The following CEP128 variants were observed in gnomAD, a reference collection of about 807,000 sequenced individuals.
The protein encoded by CEP128 is centrosomal protein 128kDa.
In CEP128, 132 loss-of-function variants were observed where a neutral mutation model predicts 156.7. The observed-to-expected ratio is 0.84, with a 90% CI of 0.73 to 0.97. The LOEUF is 0.97. Ranked by LOEUF, CEP128 falls within the 50% of genes least tolerant of loss-of-function variation. CEP128 has a pLI of 0.00. For synonymous variants in CEP128, 469 were observed against 448.9 expected, an observed-to-expected ratio of 1.04 and a Z score of -0.57; for missense variants, 1,252 against 1,281.9, an observed-to-expected ratio of 0.98 and a Z score of 0.36.
In CEP128 at chr14:80,526,984, T is replaced by C; in HGVS notation, c.2959-2A>G. The C allele has an allele frequency of 7.9e-7, 1 of 1,263,622 alleles. No homozygotes were observed. Among genetic ancestry groups the C allele is most frequent in the Non-Finnish European group, 1.1e-6 (1 of 921,374 alleles). The allele number at this position is 1,263,622 out of a possible 1,614,324, so 78.3% of individuals were successfully genotyped here. A position where few individuals can be genotyped will look rare whatever the true frequency, so the allele number is the denominator to read the frequency against. ...TCTCTCAGATGAACTGCAGGAATCCTGGAAAAAAAAAAAAGCAAAGGGTCT... is the reference window on the plus strand; with the variant it reads ...TCTCTCAGATGAACTGCAGGAATCCCGGAAAAAAAAAAAAGCAAAGGGTCT... On this transcript the variant is annotated splice_acceptor_variant, in intron 22 of 24. Coordinates refer to ENST00000555265, the MANE Select transcript of CEP128 (RefSeq NM_152446.5). LOFTEE classifies it high-confidence loss of function.
chr14:80,731,258 C>T (rs1489109561), intron 19 of CEP128, among the ~76,000 whole-genome samples: 1 of 152,170 alleles, frequency 6.6e-6, no homozygotes, highest in African/African-American at 2.4e-5. Context: ...AACACAAAAT[C>T]GAGTTTCACA....
intron 19 of CEP128, among the ~76,000 whole-genome samples, chr14:80,713,932 C>T (rs1244882132): frequency 6.6e-6 from 1 of 152,104 alleles, no homozygotes; most frequent in Non-Finnish European, 1.5e-5. Context: ...GCCTAGCCAT[C>T]CAATGCTGCA....
In CEP128 at chr14:80,539,815, C is replaced by T. The variant is rs148301501; in HGVS notation, c.2881-8929G>A. Among the ~76,000 whole-genome samples the T allele has an allele frequency of 4.4e-3, 674 of 152,110 alleles. 4 individuals are homozygous for T. The highest frequency in any genetic ancestry group is 0.015 in the African/African-American group (638 of 41,482). ...GCAAGGAATATTAATATTAATACCT[C>T]GGGGAAGGAATGCATTCCTGGGGGG... On this transcript the variant is annotated intron_variant, in intron 21 of 24. Coordinates refer to ENST00000555265, the MANE Select transcript of CEP128 (RefSeq NM_152446.5).
chr14:80,627,003 A>G (rs1012463668), intron 19 of CEP128, among the ~76,000 whole-genome samples: 1 of 152,204 alleles, frequency 6.6e-6, no homozygotes, highest in Non-Finnish European at 1.5e-5. Flanking sequence ...CTCAGAGATT[A>G]ATGACTTTTC....
At chr14:80,946,324 CAT>C (rs1886342778), upstream of CEP128, among the ~76,000 whole-genome samples, 6 of 65,640 alleles carry the variant, frequency 9.1e-5, no homozygotes, top group African/African-American at 3.0e-4. Flanking sequence ...CCTCATGATG[CAT>C]CATGATGATG....
At chr14:80,899,869 T>C in intron 7 of CEP128, 69 bp downstream of exon 7, 1 of 1,079,064 alleles carries the variant, frequency 9.3e-7, no homozygotes, top group Non-Finnish European at 1.4e-6. Context: ...GATAAATATG[T>C]CAATTACAGA....
At chr14:80,951,761 C>G (rs1886471245) in intron 2 of CEP128, among the ~76,000 whole-genome samples, 1 of 151,940 alleles carries the variant, frequency 6.6e-6, no homozygotes, top group African/African-American at 2.4e-5. Flanking sequence ...TTTATAAGAA[C>G]TGCACATTTA....
intron 23 of CEP128, among the ~76,000 whole-genome samples, chr14:80,506,168 ATCAGGGAGGGCAG>A (rs1360147150): frequency 2.0e-5 from 3 of 151,986 alleles, no homozygotes; most frequent in African/African-American, 7.2e-5. Context: ...AAGGAGAAGG[ATCAGGGAGGGCAG>A]TCAGGGAATG....
intron 19 of CEP128, among the ~76,000 whole-genome samples, chr14:80,639,981 T>G (rs143658651): frequency 1.0e-3 from 154 of 152,306 alleles, no homozygotes; most frequent in African/African-American, 3.7e-3. Flanking sequence ...AAGAAAGCAC[T>G]CACTGAATGA....
chr14:80,891,583 T>C (rs1328706160), intron 8 of CEP128, among the ~76,000 whole-genome samples: 1 of 122,780 alleles, frequency 8.1e-6, no homozygotes, highest in Non-Finnish European at 1.7e-5. Flanking sequence ...GGTTACTAGG[T>C]GCAAAAAAAA....
intron 19 of CEP128, among the ~76,000 whole-genome samples, chr14:80,686,100 G>T (rs1376739903): frequency 6.6e-6 from 1 of 151,880 alleles, no homozygotes; most frequent in Non-Finnish European, 1.5e-5. Context: ...AAACAAAATT[G>T]ATTGGGGACT....
At chr14:80,521,741 T>C (rs1380213466) in intron 23 of CEP128, among the ~76,000 whole-genome samples, 1 of 152,180 alleles carries the variant, frequency 6.6e-6, no homozygotes, top group African/African-American at 2.4e-5. Context: ...TTTTAAGAAG[T>C]TTTTAAAATC....
intron 20 of CEP128, among the ~76,000 whole-genome samples, chr14:80,561,180 C>T (rs1415033510): frequency 1.3e-5 from 2 of 152,160 alleles, no homozygotes; most frequent in Non-Finnish European, 2.9e-5. Context: ...AAACATTTGG[C>T]TATGTGGGCA....
chr14:80,613,717 T>C (rs1893101616), intron 19 of CEP128, among the ~76,000 whole-genome samples: 1 of 152,188 alleles, frequency 6.6e-6, no homozygotes, highest in Non-Finnish European at 1.5e-5. Context: ...ATGCTGTTTA[T>C]ATTTCTAAAT....
At chr14:80,720,595 T>C (rs1897779793) in intron 19 of CEP128, among the ~76,000 whole-genome samples, 2 of 152,198 alleles carry the variant, frequency 1.3e-5, no homozygotes. Flanking sequence ...CGAGAAATTA[T>C]GTAACGTAAG....
intron 8 of CEP128, among the ~76,000 whole-genome samples, chr14:80,883,635 A>G (rs1309720869): frequency 6.6e-6 from 1 of 152,208 alleles, no homozygotes; most frequent in African/African-American, 2.4e-5. Context: ...ATAGACTAGA[A>G]GAATCAATAT....
rs1252278501 is a variant in CEP128, at chr14:80,955,359, C to T, written c.-172+2819G>A. The T allele has an allele frequency of 4.7e-4, 197 of 418,222 alleles. 2 individuals carry two copies. In the East Asian group the frequency reaches 6.0e-3, roughly 13 times the overall value. 25.9% of individuals were successfully genotyped at this position (418,222 alleles called of 1,614,324 possible). A position where few individuals can be genotyped will look rare whatever the true frequency, so the allele number is the denominator to read the frequency against. The stretch of plus-strand genomic sequence containing the variant: ...GGGAGGGGCGCCCGGGGTGGGGGGG[C>T]GGGCTGGAAAACAGAGGGGACAGCC... On this transcript the variant is annotated intron_variant, in intron 2 of 7. Transcript: ENST00000555529.
chr14:80,910,999 A>C (rs1884175768), intron 4 of CEP128, among the ~76,000 whole-genome samples: 1 of 152,240 alleles, frequency 6.6e-6, no homozygotes, highest in Non-Finnish European at 1.5e-5. Flanking sequence ...CTAAATTTTA[A>C]AATTCTCACA....
rs188421899 is a variant in CEP128, at chr14:80,535,641, T to G, written c.2881-4755A>C. 1.8e-3 allele frequency among the ~76,000 whole-genome samples: 273 copies of G among 152,288 alleles called. 1 individual carries two copies. The highest frequency in any genetic ancestry group is 3.5e-3 in the Non-Finnish European group (236 of 68,026). ...CACACACACACACACACATGGGGTC[T>G]GGATAGTGTTTCTGTTGATTATAGG... On this transcript the variant is annotated intron_variant, in intron 21 of 24. Coordinates refer to ENST00000555265, the MANE Select transcript of CEP128 (RefSeq NM_152446.5).
Sources: allele counts gnomAD v4.1 joint callset (sites outside exome capture counted in the v4.1 genomes callset), GRCh38; gene constraint gnomAD v4.1.1; transcripts MANE v1.5; gene names NCBI Gene and HGNC (gene_info 2026-07-23, HGNC 2026-07-21).